Variants in HSF1 observed in about 807,000 individuals in gnomAD.
HSF1 encodes heat shock factor protein 1.
HSF1 carries 32 observed loss-of-function variants against 51.7 expected under a neutral mutation model. The observed-to-expected ratio is 0.62, with a 90% CI of 0.47 to 0.83. HSF1 has a LOEUF of 0.83. HSF1 is among the 40% of genes least tolerant of loss of function. The pLI is 0.00. For missense variants in HSF1, 727 were observed against 717.0 expected (o/e 1.01, Z -0.16); for synonymous variants, 396 against 309.7 (o/e 1.28, Z -2.92).
chr8:144,291,775 C>T lies in HSF1; in HGVS notation c.18C>T (p.Gly6=). 1.3e-6 allele frequency: 2 copies of T among 1,518,990 alleles called. No homozygotes were observed. Among genetic ancestry groups the T allele is most frequent in the South Asian group, 1.2e-5 (1 of 82,280 alleles). The allele number at this position is 1,518,990 out of a possible 1,614,324, so 94.1% of individuals were successfully genotyped here. A position where few individuals can be genotyped will look rare whatever the true frequency, so the allele number is the denominator to read the frequency against. ...TGCTCGAGATGGATCTGCCCGTGGGCCCCGGCGCGGCGGGGCCCAGCAACG... is the reference window on the plus strand; with the variant it reads ...TGCTCGAGATGGATCTGCCCGTGGGTCCCGGCGCGGCGGGGCCCAGCAACG... MDLPV[G]PGAAGPSNVP... is the part of the protein sequence containing the mutation. The change falls in exon 1 of 13, where the codon GGC becomes GGT. Residue 6 remains glycine, a synonymous_variant. Coordinates refer to ENST00000528838, the MANE Select transcript of HSF1 (RefSeq NM_005526.4). This position sits in a 1 kb window ranked among gnomAD's most constrained non-coding sequence, Gnocchi z 4.1.
In HSF1 at chr8:144,291,764, C is replaced by T; in HGVS notation, c.7C>T (p.Leu3=). Reference sequence around the variant, plus strand: ...TATTCCCTCCTTGCTCGAGATGGATCTGCCCGTGGGCCCCGGCGCGGCGGG... The same window carrying T: ...TATTCCCTCCTTGCTCGAGATGGATTTGCCCGTGGGCCCCGGCGCGGCGGG... MD[L]PVGPGAAGPS... Residue 3 remains leucine (L), a synonymous_variant, in exon 1 of 13, where the codon CTG becomes TTG. Transcript: ENST00000528838. The surrounding 1 kb of genome is among the most constrained non-coding windows in gnomAD (Gnocchi z 4.1). 6.6e-7 allele frequency: 1 copy of T among 1,517,858 alleles called. No individual in the cohort carries two copies. Among genetic ancestry groups the T allele is most frequent in the South Asian group, 1.2e-5 (1 of 81,824 alleles). The allele number at this position is 1,517,858 out of a possible 1,614,324, so 94.0% of individuals were successfully genotyped here.
chr8:144,307,643 A>C (rs1554843512), intron 1 of HSF1, among the ~76,000 whole-genome samples: 1 of 152,068 alleles, frequency 6.6e-6, no homozygotes, highest in Non-Finnish European at 1.5e-5. Flanking sequence ...CTGAGGCAGG[A>C]GAATCACTTG....
chr8:144,312,366 TCG>T, intron 9 of HSF1, 122 bp downstream of exon 9: 1 of 788,776 alleles, frequency 1.3e-6, no homozygotes, highest in Non-Finnish European at 2.0e-6. Flanking sequence ...ACCCCCAACC[TCG>T]GAGCTCGGGG....
Position 144,311,395 on chromosome 8 carries a change from GGATGCCTGCAT to G in HSF1, c.626+14_626+24del. The G allele has an allele frequency of 6.2e-7, 1 of 1,613,818 alleles. No homozygotes were observed. The highest frequency in any genetic ancestry group is 8.5e-7 in the Non-Finnish European group (1 of 1,179,954). On this transcript the variant is annotated intron_variant, in intron 6 of 12. Transcript: ENST00000528838. The stretch of plus-strand genomic sequence containing the variant: ...TGAAGAGAAAGATGTGAGGTTTTGG[GGATGCCTGCAT>G]CCACCACCCGGGGCCCAGGGCTGTC...
At chr8:144,300,979 T>A (rs1461188624) in intron 1 of HSF1, among the ~76,000 whole-genome samples, 1 of 152,122 alleles carries the variant, frequency 6.6e-6, no homozygotes, top group African/African-American at 2.4e-5. Flanking sequence ...AAGAAAAGAT[T>A]CCTGAACTAA....
chr8:144,312,188 C>CCCCCCCCCCCCCCCCCCCCCGAAAA lies in HSF1; in HGVS notation c.1086_1087insCCCCCCCCCCCCCCCCCCCCGAAAA (p.Ser363ProfsTer17). ...ACACGGACACCGAGGGCCGGCCTCC[C>CCCCCCCCCCCCCCCCCCCCCGAAAA]TCCCCCCCGCCCACCTCCACCCCTG... On this transcript the variant is annotated frameshift_variant, in exon 9 of 13. Transcript: ENST00000528838. LOFTEE classifies it high-confidence loss of function. 1 of 1,568,556 alleles carries CCCCCCCCCCCCCCCCCCCCCGAAAA rather than the reference C, an allele frequency of 6.4e-7. No individual in the cohort carries two copies. The highest frequency in any genetic ancestry group is 8.7e-7 in the Non-Finnish European group (1 of 1,145,946).
Position 144,314,461 on chromosome 8 carries a change from C to A in HSF1, c.*131C>A. The A allele has an allele frequency of 1.3e-6, 1 of 748,740 alleles. No individual in the cohort carries two copies. Among genetic ancestry groups the A allele is most frequent in the Non-Finnish European group, 2.2e-6 (1 of 454,802 alleles). 46.4% of individuals were successfully genotyped at this position (748,740 alleles called of 1,614,324 possible). On this transcript the variant is annotated 3_prime_UTR_variant, in exon 13 of 13. Transcript: ENST00000528838. ...CCATAGCCCCAGTAGGACAAACGGG[C>A]TCGGGTCTGGGCAGCACCTCTGGTC...
In HSF1 at chr8:144,314,410, G is replaced by T. The variant is rs1397608496; in HGVS notation, c.*80G>T. ...TCTTGGGGAGGCAGGGCAGCCTCGC[G>T]GTCTTGGGCACTGGTGGGTCGGCCG... On this transcript the variant is annotated 3_prime_UTR_variant, in exon 13 of 13. Transcript: ENST00000528838. 3.1e-6 allele frequency: 4 copies of T among 1,292,844 alleles called. No individual in the cohort carries two copies. The highest frequency in any genetic ancestry group is 1.5e-5 in the African/African-American group (1 of 67,604). The allele number at this position is 1,292,844 out of a possible 1,614,324, so 80.1% of individuals were successfully genotyped here. A position where few individuals can be genotyped will look rare whatever the true frequency, so the allele number is the denominator to read the frequency against.
chr8:144,313,991 G>A lies in HSF1; in HGVS notation c.1321G>A (p.Glu441Lys), dbSNP rs782416863. 6.2e-7 allele frequency: 1 copy of A among 1,611,028 alleles called. No individual in the cohort carries two copies. The highest frequency in any genetic ancestry group is 8.5e-7 in the Non-Finnish European group (1 of 1,179,444). The change falls in exon 12 of 13, where the codon GAG becomes AAG. Residue 441 changes from glutamate to lysine, a missense_variant. By Grantham distance (56) the Glu-to-Lys change is moderately conservative. This residue lies in a region of HSF1 where 470 missense variants were observed against 398.8 expected (regional missense o/e 1.18). Coordinates refer to ENST00000528838, the MANE Select transcript of HSF1 (RefSeq NM_005526.4). Reference sequence around the variant, plus strand: ...TACCGTCTCCACCCCACAGATCCAAGAGCTCCTGTCTCCCCAGGAGCCCCC... The same window carrying A: ...TACCGTCTCCACCCCACAGATCCAAAAGCTCCTGTCTCCCCAGGAGCCCCC... The part of the protein sequence containing the change: ...DLDSSLASIQ[E>K]LLSPQEPPRP...
chr8:144,306,917 C>G (rs1479966495), intron 1 of HSF1, among the ~76,000 whole-genome samples: 2 of 150,040 alleles, frequency 1.3e-5, no homozygotes, highest in Non-Finnish European at 3.0e-5. Flanking sequence ...TTTCCGGGGG[C>G]TGTGTGTGTG....
At chr8:144,301,901 G>A (rs1312985528) in intron 1 of HSF1, among the ~76,000 whole-genome samples, 2 of 149,584 alleles carry the variant, frequency 1.3e-5, no homozygotes, top group African/African-American at 4.9e-5. Context: ...GCCGTGCACG[G>A]TGGTGGTGCC....
intron 1 of HSF1, among the ~76,000 whole-genome samples, chr8:144,307,485 A>G (rs1554843489): frequency 6.6e-6 from 1 of 152,276 alleles, no homozygotes; most frequent in Admixed American, 6.5e-5. Flanking sequence ...CACGCCTGTA[A>G]TCCCAGCACT....
At position 144,312,055 on chromosome 8, in the gene HSF1, C is replaced by T. The variant is rs782130027; in HGVS notation, c.953C>T (p.Pro318Leu). 20 of 1,612,274 alleles carry T rather than the reference C, an allele frequency of 1.2e-5. No individual in the cohort carries two copies. In the Admixed American group the frequency reaches 2.7e-4, roughly 22 times the overall value. ...PRVEEASPGR[P>L]SSVDTLLSPT... ...GTAGAGGAGGCGAGTCCCGGGCGCC[C>T]ATCTTCCGTGGACACCCTCTTGTCC... Residue 318 changes from proline to leucine, a missense_variant, in exon 9 of 13, where the codon CCA (proline) becomes CTA (leucine). Coordinates refer to ENST00000528838, the MANE Select transcript of HSF1 (RefSeq NM_005526.4).
intron 1 of HSF1, among the ~76,000 whole-genome samples, chr8:144,294,423 C>T (rs1306247605): frequency 2.0e-5 from 3 of 152,212 alleles, no homozygotes; most frequent in Non-Finnish European, 4.4e-5. Context: ...GCTGCCTTCT[C>T]TGGGAGAGTC....
intron 8 of HSF1, 56 bp from the exon 9 acceptor site, chr8:144,311,907 G>A (rs1470612336): frequency 1.3e-6 from 2 of 1,581,880 alleles, no homozygotes; most frequent in Non-Finnish European, 1.7e-6. Context: ...GGGCAGAGTT[G>A]GGGATGAGGT....
At chr8:144,296,056 C>T (rs565811769) in intron 1 of HSF1, among the ~76,000 whole-genome samples, 1 of 152,208 alleles carries the variant, frequency 6.6e-6, no homozygotes, top group East Asian at 1.9e-4. Context: ...TCACCAAGGC[C>T]CTCGGCCTAT....
intron 1 of HSF1, among the ~76,000 whole-genome samples, chr8:144,306,313 C>T (rs1189067030): frequency 6.6e-6 from 1 of 150,452 alleles, no homozygotes; most frequent in African/African-American, 2.4e-5. Context: ...GGTATGGGTC[C>T]TAGCTTCTTG....
rs369564684 is a variant in HSF1, at chr8:144,314,347, G to C, written c.*17G>C. The C allele has an allele frequency of 6.5e-7, 1 of 1,538,810 alleles. No homozygotes were observed. ...GTCTCCTAGAGGCCCCGGAGGAGCT[G>C]GGCCAGCCGCCCACCCCCACCCCCA... On this transcript the variant is annotated 3_prime_UTR_variant, in exon 13 of 13. Transcript: ENST00000528838.
intron 6 of HSF1, 38 bp from the exon 7 acceptor site, chr8:144,311,467 G>A: frequency 6.2e-7 from 1 of 1,612,180 alleles, no homozygotes; most frequent in African/African-American, 1.3e-5. Context: ...GGTACCCCGA[G>A]GTGGGGGGTG....
Sources: allele counts gnomAD v4.1 joint callset (sites outside exome capture counted in the v4.1 genomes callset), GRCh38; gene constraint gnomAD v4.1.1; regional missense constraint gnomAD v4.1.1; non-coding constraint Gnocchi (gnomAD v3.1); transcripts MANE v1.5; gene names NCBI Gene and HGNC (gene_info 2026-07-23, HGNC 2026-07-21).